ZNF761: variants seen among roughly 807,000 people sequenced by gnomAD.
The protein encoded by ZNF761 is zinc finger protein 761.
A neutral mutation model predicts 59.9 loss-of-function variants in ZNF761; 43 were observed. That is an observed-to-expected ratio of 0.72 (90% CI 0.56 to 0.92). The LOEUF (loss-of-function observed/expected upper bound fraction) is 0.92, where lower values mean the gene tolerates loss of function less well. Ranked by LOEUF, ZNF761 falls within the 40% of genes least tolerant of loss-of-function variation. ZNF761 has a pLI of 0.00. For synonymous variants in ZNF761, 294 were observed against 304.8 expected (o/e 0.96, Z 0.37); for missense variants, 850 against 906.1 (o/e 0.94, Z 0.79).
In ZNF761 at chr19:53,455,060, A is replaced by C. The variant is rs140502690; in HGVS notation, c.553A>C (p.Lys185Gln). The change falls in exon 5 of 5, where the codon AAA becomes CAA. Residue 185 changes from lysine (K) to glutamine (Q), a missense_variant. Transcript: ENST00000684525. ...STAQRISCRP[K>Q]THISNNHGNN... ...AGCCCAAAGAATTTCTTGTAGGCCC[A>C]AAACCCATATATCTAATAACCATGG... 99 of 1,614,202 alleles carry C rather than the reference A, an allele frequency of 6.1e-5. No individual in the cohort carries two copies. Among genetic ancestry groups the C allele is most frequent in the Non-Finnish European group, 7.5e-5 (88 of 1,180,030 alleles).
intron 2 of ZNF761, among the ~76,000 whole-genome samples, chr19:53,446,758 C>T (rs990057208): frequency 1.3e-5 from 2 of 152,138 alleles, no homozygotes; most frequent in Non-Finnish European, 2.9e-5. Context: ...ATCTTCACAC[C>T]TCAGACTCCT....
Position 53,456,744 on chromosome 19 carries a change from T to G in ZNF761, c.2237T>G (p.Val746Gly). The change falls in exon 5 of 5, where the codon GTG (valine) becomes GGG (glycine). Residue 746 changes from valine to glycine, a missense_variant. Coordinates refer to ENST00000684525, the MANE Select transcript of ZNF761 (RefSeq NM_001289951.2). ...AGACTTCATACTGGAGAAAAACAAG[T>G]GTAATGAATGTGGTGAGGTTTTTAA... ...HRRLHTGEKQ[V>G] is the part of the protein sequence containing the mutation. 1.2e-6 allele frequency: 2 copies of G among 1,613,266 alleles called. No individual in the cohort carries two copies. Among genetic ancestry groups the G allele is most frequent in the Non-Finnish European group, 1.7e-6 (2 of 1,179,578 alleles).
At chr19:53,438,973 T>C (rs561098761) in intron 1 of ZNF761, among the ~76,000 whole-genome samples, 3 of 152,238 alleles carry the variant, frequency 2.0e-5, no homozygotes, top group East Asian at 3.9e-4. Context: ...CCAATGTTTC[T>C]CTAAAGATTG....
chr19:53,439,219 T>C (rs1401988294), intron 1 of ZNF761, among the ~76,000 whole-genome samples: 2 of 146,666 alleles, frequency 1.4e-5, no homozygotes, highest in Admixed American at 7.0e-5. Flanking sequence ...TGCAGTGAGC[T>C]GAGATCGTGC....
Position 53,449,975 on chromosome 19 carries a change from AC to A in ZNF761, c.142+339del, listed in dbSNP as rs2086202798. 3 of 483,526 alleles carry A rather than the reference AC, an allele frequency of 6.2e-6. No homozygotes were observed. In the South Asian group the frequency reaches 1.4e-4, roughly 23 times the overall value. The allele number at this position is 483,526 out of a possible 1,614,324, so 30.0% of individuals were successfully genotyped here. A position where few individuals can be genotyped will look rare whatever the true frequency, so the allele number is the denominator to read the frequency against. ...GTAGCTGAGATTACAGGTGCCAACC[AC>A]CATACCTAATTATTGGCTTTTATTT... On this transcript the variant is annotated intron_variant, in intron 4 of 4. Transcript: ENST00000684525.
intron 1 of ZNF761, among the ~76,000 whole-genome samples, chr19:53,435,095 C>T (rs1202079482): frequency 6.6e-6 from 1 of 151,858 alleles, no homozygotes; most frequent in Non-Finnish European, 1.5e-5. Context: ...GGACAAGCAT[C>T]AAAATACAGA....
At chr19:53,454,107 G>A (rs1187614728) in intron 4 of ZNF761, among the ~76,000 whole-genome samples, 2 of 152,072 alleles carry the variant, frequency 1.3e-5, no homozygotes, top group African/African-American at 4.8e-5. Context: ...CCGAGTAGCT[G>A]GGACTAGATG....
At chr19:53,432,645 C>G (rs1225485757) in intron 1 of ZNF761, among the ~76,000 whole-genome samples, 1 of 152,148 alleles carries the variant, frequency 6.6e-6, no homozygotes, top group Non-Finnish European at 1.5e-5. Flanking sequence ...ACTCCAAACC[C>G]TCCTGTGACT....
intron 4 of ZNF761, chr19:53,449,861 A>G: frequency 9.4e-7 from 1 of 1,068,208 alleles, no homozygotes; most frequent in Non-Finnish European, 1.3e-6. Context: ...CAAATTTTTT[A>G]GTTTGTTTTC....
rs2086197352 is a variant in ZNF761 at position 53,449,576 on chromosome 19, C to T, written c.80C>T (p.Pro27Leu). The T allele has an allele frequency of 6.2e-7, 1 of 1,613,486 alleles. No homozygotes were observed. Among genetic ancestry groups the T allele is most frequent in the Non-Finnish European group, 8.5e-7 (1 of 1,179,862 alleles). ...FSQEEWKCLD[P>L]AQRTLYRDVM... ...CAGGAGGAGTGGAAATGCCTGGACC[C>T]TGCTCAGAGGACTCTATACAGGGAC... Residue 27 changes from proline (P) to leucine (L), a missense_variant, in exon 4 of 5, where the codon CCT (proline) becomes CTT (leucine). Transcript: ENST00000684525.
chr19:53,443,507 C>T (rs1481164643), intron 1 of ZNF761: 1 of 152,234 alleles, frequency 6.6e-6, no homozygotes, highest in African/African-American at 2.4e-5. Context: ...TATTAGTGAT[C>T]AAACAAAGCA....
At chr19:53,454,587 A>C (rs2086247093) in intron 4 of ZNF761, 63 bp from the exon 5 acceptor site, 1 of 1,473,234 alleles carries the variant, frequency 6.8e-7, no homozygotes. Flanking sequence ...TCGTATTTAC[A>C]CATTTCAGCA....
Position 53,441,244 on chromosome 19 carries a change from T to G in ZNF761, c.-184-4983T>G, listed in dbSNP as rs118097264. Among the ~76,000 whole-genome samples, 1,339 of 152,216 alleles carry G rather than the reference T, an allele frequency of 8.8e-3. 8 individuals are homozygous for G. The highest frequency in any genetic ancestry group is 0.013 in the Non-Finnish European group (901 of 68,012). ...TTGCAGTGAGCAAAAATCCTGCCACTGCACTGCAGCCTGGGTGGCAGAGCA... is the reference window on the plus strand; with the variant it reads ...TTGCAGTGAGCAAAAATCCTGCCACGGCACTGCAGCCTGGGTGGCAGAGCA... On this transcript the variant is annotated intron_variant, in intron 1 of 4. Transcript: ENST00000684525.
chr19:53,451,285 A>C (rs1211933765), intron 4 of ZNF761, among the ~76,000 whole-genome samples: 1 of 152,174 alleles, frequency 6.6e-6, no homozygotes, highest in Non-Finnish European at 1.5e-5. Flanking sequence ...ATCTCGGGTC[A>C]CTCCAACCTC....
intron 4 of ZNF761, chr19:53,450,114 C>CTAAAAA (rs2086205641): frequency 3.7e-6 from 1 of 273,938 alleles, no homozygotes; most frequent in Non-Finnish European, 6.8e-6. Flanking sequence ...ACCAGCCCGG[C>CTAAAAA]CAACATGGTG....
intron 1 of ZNF761, among the ~76,000 whole-genome samples, chr19:53,435,739 A>G (rs1057066287): frequency 1.3e-5 from 2 of 151,908 alleles, no homozygotes; most frequent in Non-Finnish European, 2.9e-5. Context: ...TTCTTCTACC[A>G]TGGTTAAGGG....
intron 3 of ZNF761, among the ~76,000 whole-genome samples, chr19:53,448,193 G>A (rs1003548863): frequency 7.9e-5 from 12 of 152,092 alleles, no homozygotes; most frequent in African/African-American, 2.7e-4. Flanking sequence ...TATTAGCGAC[G>A]GGTATCACCA....
intron 1 of ZNF761, among the ~76,000 whole-genome samples, chr19:53,433,064 A>G (rs940745808): frequency 3.8e-5 from 4 of 104,930 alleles, no homozygotes; most frequent in African/African-American, 1.6e-4. Flanking sequence ...AACAGGGAAG[A>G]GAGAATTTAA....
chr19:53,447,018 T>C, intron 2 of ZNF761, 178 bp from the exon 3 acceptor site: 1 of 385,442 alleles, frequency 2.6e-6, no homozygotes. Context: ...GCAGCGTGTG[T>C]GTGGGCTCCT....
Sources: gnomAD v4.1 joint callset for allele counts (sites outside exome capture counted in the v4.1 genomes callset) on GRCh38, gnomAD v4.1.1 for gene constraint, MANE v1.5 for transcripts, NCBI Gene and HGNC (gene_info 2026-07-23, HGNC 2026-07-21) for gene names.